The following ARHGAP45 variants were observed in gnomAD, a reference collection of about 807,000 sequenced individuals.
The protein encoded by ARHGAP45 is Rho GTPase activating protein 45, also known as rho GTPase-activating protein 45.
ARHGAP45 carries 56 observed loss-of-function variants against 116.1 expected under a neutral mutation model. The observed-to-expected ratio is 0.48, with a 90% CI of 0.39 to 0.60. The LOEUF (loss-of-function observed/expected upper bound fraction) is 0.60. Ranked by LOEUF, ARHGAP45 falls within the 20% of genes least tolerant of loss-of-function variation. The pLI, the probability that ARHGAP45 is intolerant of heterozygous loss-of-function variation, is 0.00. For synonymous variants in ARHGAP45, 866 were observed against 701.7 expected, an observed-to-expected ratio of 1.23 and a Z score of -3.70; for missense variants, 1,622 against 1,601.0, an observed-to-expected ratio of 1.01 and a Z score of -0.22.
At position 1,068,220 on chromosome 19, in the gene ARHGAP45, C is replaced by T. The variant is rs916882180; in HGVS notation, c.91-194C>T. 2.2e-5 allele frequency: 13 copies of T among 579,786 alleles called. No homozygotes were observed. Among genetic ancestry groups the T allele is most frequent in the Non-Finnish European group, 3.6e-5 (12 of 336,920 alleles). 35.9% of individuals were successfully genotyped at this position (579,786 alleles called of 1,614,324 possible). On this transcript the variant is annotated intron_variant, in intron 1 of 22. Coordinates refer to ENST00000313093, the MANE Select transcript of ARHGAP45 (RefSeq NM_012292.5). The surrounding 1 kb of genome is among the most constrained non-coding windows in gnomAD (Gnocchi z 7.5). ...GGGCAAGGACCGTTGTTTGTGAAAGCTCTAGGGAAGAGGATGTTGGGTAAC... is the reference window on the plus strand; with the variant it reads ...GGGCAAGGACCGTTGTTTGTGAAAGTTCTAGGGAAGAGGATGTTGGGTAAC...
upstream of ARHGAP45, among the ~76,000 whole-genome samples, chr19:1,066,800 C>T (rs968966885): frequency 2.3e-4 from 34 of 149,658 alleles, no homozygotes; most frequent in African/African-American, 7.7e-4. Context: ...GGGGCCCGGC[C>T]ACACCCTAGG....
At position 1,068,139 on chromosome 19, in the gene ARHGAP45, G is replaced by A. The variant is rs1461246782; in HGVS notation, c.91-275G>A. On this transcript the variant is annotated intron_variant, in intron 1 of 22. Coordinates refer to ENST00000313093, the MANE Select transcript of ARHGAP45 (RefSeq NM_012292.5). The surrounding 1 kb of genome is among the most constrained non-coding windows in gnomAD (Gnocchi z 7.5). The stretch of plus-strand genomic sequence containing the variant: ...CTGAGGACCCTCCCCACCCCCACCA[G>A]GAAGTGGGGACCCCCCTCCCGCGCC... 6.6e-6 allele frequency among the ~76,000 whole-genome samples: 1 copy of A among 152,100 alleles called. No homozygotes were observed. Among genetic ancestry groups the A allele is most frequent in the East Asian group, 1.9e-4 (1 of 5,188 alleles).
rs531340078 is a variant in ARHGAP45, at chr19:1,078,977, A to G, written c.1375-726A>G. On this transcript the variant is annotated intron_variant, in intron 11 of 22. Transcript: ENST00000313093. ...AGGTGGATCACAAGGTCAGGAGATCAAGACCATCCTGGCTAACAGGGTGAA... is the reference window on the plus strand; with the variant it reads ...AGGTGGATCACAAGGTCAGGAGATCGAGACCATCCTGGCTAACAGGGTGAA... Among the ~76,000 whole-genome samples, 255 of 151,524 alleles carry G rather than the reference A, an allele frequency of 1.7e-3. 2 individuals carry two copies. The highest frequency in any genetic ancestry group is 2.3e-3 in the Non-Finnish European group (153 of 67,824).
rs750421673 is a variant in ARHGAP45, at chr19:1,071,300, C to A, written c.422-1849C>A. The A allele has an allele frequency of 1.4e-5, 21 of 1,467,190 alleles. 1 individual carries two copies. The South Asian group carries it at 2.6e-4, about 18-fold the overall frequency. The allele number at this position is 1,467,190 out of a possible 1,614,324, so 90.9% of individuals were successfully genotyped here. On this transcript the variant is annotated intron_variant, in intron 2 of 22. Transcript: ENST00000313093. This position sits in a 1 kb window ranked among gnomAD's most constrained non-coding sequence, Gnocchi z 4.6. ...CCGACGGCTGCGCCATGTGTATCTG[C>A]GGGACGGCGCACCCGGTGCTGGACG... is the stretch of plus-strand genomic sequence containing the variant.
At chr19:1,082,687 G>T in intron 19 of ARHGAP45, 153 bp from the exon 20 acceptor site, 1 of 645,522 alleles carries the variant, frequency 1.5e-6, no homozygotes, top group Non-Finnish European at 2.5e-6. Context: ...CGCTGGGCTG[G>T]GAAAGGGGAC....
At chr19:1,074,504 C>T (rs1293850365) in intron 8 of ARHGAP45, 97 bp downstream of exon 8, 17 of 1,407,736 alleles carry the variant, frequency 1.2e-5, no homozygotes. Flanking sequence ...GGGGCTTCCC[C>T]TCTACATTAA....
intron 10 of ARHGAP45, among the ~76,000 whole-genome samples, 155 bp downstream of exon 10, chr19:1,075,034 C>CA (rs996697993): frequency 2.5e-4 from 34 of 137,154 alleles, no homozygotes; most frequent in Admixed American, 4.6e-4. Context: ...GCCGCCCCCC[C>CA]CAACGCCAAG....
rs2043144325 is a variant in ARHGAP45, at chr19:1,071,692, A to C, written c.422-1457A>C. ...CATTCCCGGAGTCCGCCTCGCATCCAGCAGCGAAGACATGTTCCGGTCCGG... is the reference window on the plus strand; with the variant it reads ...CATTCCCGGAGTCCGCCTCGCATCCCGCAGCGAAGACATGTTCCGGTCCGG... On this transcript the variant is annotated intron_variant, in intron 2 of 22. Transcript: ENST00000313093. This position sits in a 1 kb window ranked among gnomAD's most constrained non-coding sequence, Gnocchi z 4.6. 6.6e-6 allele frequency: 1 copy of C among 152,510 alleles called. No individual in the cohort carries two copies. The highest frequency in any genetic ancestry group is 1.5e-5 in the Non-Finnish European group (1 of 68,332). 9.4% of individuals were successfully genotyped at this position (152,510 alleles called of 1,614,324 possible).
intron 10 of ARHGAP45, chr19:1,077,343 G>C (rs760254126): frequency 8.0e-5 from 80 of 995,240 alleles, no homozygotes; most frequent in Non-Finnish European, 7.2e-5. Flanking sequence ...CCATTTCTCC[G>C]AGTGTCCTGT....
intron 22 of ARHGAP45, 128 bp from the exon 23 acceptor site, chr19:1,085,522 GTCTCTCCCCA>G (rs1313082479): frequency 9.6e-6 from 6 of 627,492 alleles, no homozygotes; most frequent in Admixed American, 3.0e-5. Context: ...CATCTCTCCT[GTCTCTCCCCA>G]TCTCTCCTGT....
At position 1,080,540 on chromosome 19, in the gene ARHGAP45, T is replaced by C. The variant is rs750078337; in HGVS notation, c.1905T>C (p.Pro635=). ...SDSDSGLDPG[P]GAGDFKKFER... ...CGGACAGTGGGCTGGACCCCGGCCC[T>C]GGCGCAGGTGAGGGAGGCTCTCTGG... The change falls in exon 15 of 23, where the codon CCT becomes CCC. Residue 635 remains proline, a synonymous_variant. Transcript: ENST00000313093. The C allele has an allele frequency of 3.1e-6, 5 of 1,612,750 alleles. No individual in the cohort carries two copies. In the Admixed American group the frequency reaches 5.0e-5, roughly 16 times the overall value.
At chr19:1,076,001 ATCAG>A (rs2145042439) in intron 10 of ARHGAP45, among the ~76,000 whole-genome samples, 1 of 152,242 alleles carries the variant, frequency 6.6e-6, no homozygotes, top group East Asian at 1.9e-4. Flanking sequence ...CTCACCCGAT[ATCAG>A]TCAGCATGAA....
At position 1,074,336 on chromosome 19, in the gene ARHGAP45, C is replaced by G. The variant is rs367566451; in HGVS notation, c.929-7C>G. The G allele has an allele frequency of 1.1e-5, 18 of 1,610,744 alleles. No homozygotes were observed. The East Asian group carries it at 4.0e-4, about 36-fold the overall frequency. The stretch of plus-strand genomic sequence containing the variant: ...CCCAGCACCTCACACCCCTCTCCGG[C>G]CCGCAGAGATGGAGTTTGCCAAGGG... On this transcript the variant is annotated splice_polypyrimidine_tract_variant and splice_region_variant and intron_variant, in intron 7 of 22. Transcript: ENST00000313093.
Position 1,081,709 on chromosome 19 carries a change from G to C in ARHGAP45, c.2350G>C (p.Glu784Gln). The C allele has an allele frequency of 6.3e-7, 1 of 1,586,604 alleles. No homozygotes were observed. Among genetic ancestry groups the C allele is most frequent in the Non-Finnish European group, 8.6e-7 (1 of 1,165,938 alleles). The change falls in exon 18 of 23, where the codon GAG (glutamate) becomes CAG (glutamine). Residue 784 changes from glutamate (E) to glutamine (Q), a missense_variant. By Grantham distance (29) the Glu-to-Gln change is conservative. Coordinates refer to ENST00000313093, the MANE Select transcript of ARHGAP45 (RefSeq NM_012292.5). ...CTTCATCGTCAAGAAGTGCGTCTGC[G>C]AGATCGAGCGGCGGGCGCTGCGCAC... is the stretch of plus-strand genomic sequence containing the variant. ...VPFIVKKCVC[E>Q]IERRALRTKG...
At chr19:1,072,049 T>C (rs960656017) in intron 2 of ARHGAP45, among the ~76,000 whole-genome samples, 17 of 136,508 alleles carry the variant, frequency 1.2e-4, no homozygotes, top group Non-Finnish European at 2.5e-4. Context: ...TCTTTCCTTT[T>C]CTTTCTTTCT....
chr19:1,074,313 C>CA lies in ARHGAP45; in HGVS notation c.929-29dup, dbSNP rs145275771. 3,361 of 1,611,932 alleles carry CA rather than the reference C, an allele frequency of 2.1e-3. 72 individuals are homozygous for CA. The African/African-American group carries it at 0.04, about 19-fold the overall frequency. On this transcript the variant is annotated intron_variant, in intron 7 of 22. Transcript: ENST00000313093. Reference sequence around the variant, plus strand: ...TGGGTGAGCTGGGAAGGCCTTGTCCCAGCACCTCACACCCCTCTCCGGCCC... The same window carrying CA: ...TGGGTGAGCTGGGAAGGCCTTGTCCCAAGCACCTCACACCCCTCTCCGGCCC...
intron 17 of ARHGAP45, 110 bp downstream of exon 17, chr19:1,081,174 TCG>T: frequency 8.0e-7 from 1 of 1,257,168 alleles, no homozygotes; most frequent in Non-Finnish European, 1.1e-6. Context: ...CAGGGAGCAG[TCG>T]GACGCCTTTG....
chr19:1,077,216 C>G (rs1214439276), intron 10 of ARHGAP45: 8 of 985,322 alleles, frequency 8.1e-6, no homozygotes, highest in Non-Finnish European at 9.6e-6. Context: ...GCAAAAGAGC[C>G]CGGAGACGCT....
Position 1,086,272 on chromosome 19 carries a change from G to C in ARHGAP45, c.*266G>C. 2.1e-6 allele frequency: 1 copy of C among 468,152 alleles called. No homozygotes were observed. Among genetic ancestry groups the C allele is most frequent in the Non-Finnish European group, 3.9e-6 (1 of 257,374 alleles). The allele number at this position is 468,152 out of a possible 1,614,324, so 29.0% of individuals were successfully genotyped here. Reference sequence around the variant, plus strand: ...AACACTGCTGTCGTGTGAAGTCACAGTGGCCTTGTTGGTGCCCACAGGGCT... The same window carrying C: ...AACACTGCTGTCGTGTGAAGTCACACTGGCCTTGTTGGTGCCCACAGGGCT... On this transcript the variant is annotated 3_prime_UTR_variant, in exon 23 of 23. Coordinates refer to ENST00000313093, the MANE Select transcript of ARHGAP45 (RefSeq NM_012292.5).
Sources: allele counts gnomAD v4.1 joint callset (sites outside exome capture counted in the v4.1 genomes callset), GRCh38; gene constraint gnomAD v4.1.1; non-coding constraint Gnocchi (gnomAD v3.1); transcripts MANE v1.5; gene names NCBI Gene and HGNC (gene_info 2026-07-23, HGNC 2026-07-21).